The following MCTP2 variants were observed in gnomAD, a reference collection of about 807,000 sequenced individuals.
MCTP2 encodes multiple C2 and transmembrane domain-containing protein 2.
A neutral mutation model predicts 111.6 loss-of-function variants in MCTP2; 132 were observed. That is an observed-to-expected ratio of 1.18 (90% CI 1.03 to 1.37). The LOEUF (loss-of-function observed/expected upper bound fraction) is 1.37, where lower values mean the gene tolerates loss of function less well. MCTP2 is among the 40% of genes most tolerant of loss of function. The pLI, the probability that MCTP2 is intolerant of heterozygous loss-of-function variation, is 0.00. For missense variants in MCTP2, 1,183 were observed against 1,067.9 expected (o/e 1.11, Z -1.50); for synonymous variants, 395 against 387.7 (o/e 1.02, Z -0.22).
chr15:94,446,638 T>A (rs990096474), intron 19 of MCTP2, among the ~76,000 whole-genome samples: 3 of 152,188 alleles, frequency 2.0e-5, no homozygotes, highest in Non-Finnish European at 4.4e-5. Context: ...AACAATCACT[T>A]ACATAGAATA....
chr15:94,259,386 A>T (rs747728058), intron 1 of MCTP2, among the ~76,000 whole-genome samples: 1 of 152,208 alleles, frequency 6.6e-6, no homozygotes, highest in Non-Finnish European at 1.5e-5. Context: ...CTGTTCTGTT[A>T]CTGCAGCTGT....
intron 12 of MCTP2, among the ~76,000 whole-genome samples, chr15:94,374,052 A>G (rs2079625137): frequency 6.6e-6 from 1 of 152,240 alleles, no homozygotes; most frequent in South Asian, 2.1e-4. Flanking sequence ...ACTGAAAAAG[A>G]GAAACATTTT....
intron 12 of MCTP2, among the ~76,000 whole-genome samples, chr15:94,381,684 G>A (rs1354755503): frequency 6.6e-6 from 1 of 152,224 alleles, no homozygotes; most frequent in Non-Finnish European, 1.5e-5. Flanking sequence ...CTGACAAACG[G>A]TTAAGTAGCT....
At chr15:94,388,460 A>G (rs2080656088) in intron 14 of MCTP2, among the ~76,000 whole-genome samples, 1 of 152,192 alleles carries the variant, frequency 6.6e-6, no homozygotes, top group South Asian at 2.1e-4. Flanking sequence ...CTCCAAATGA[A>G]TTGATTCTCT....
At chr15:94,476,135 G>C (rs1398450655) in intron 21 of MCTP2, among the ~76,000 whole-genome samples, 1 of 152,176 alleles carries the variant, frequency 6.6e-6, no homozygotes, top group Non-Finnish European at 1.5e-5. Flanking sequence ...ATGAGTTGGA[G>C]GTGGGGAAAG....
intron 1 of MCTP2, among the ~76,000 whole-genome samples, chr15:94,280,914 G>A (rs183445712): frequency 4.0e-4 from 60 of 151,866 alleles, no homozygotes; most frequent in Admixed American, 3.1e-3. Flanking sequence ...GGTCTTTTTT[G>A]TTTTCGTTTT....
chr15:94,252,299 TTGTTGATAGCCATTCTAGTGAG>T (rs2072487564), intron 1 of MCTP2, among the ~76,000 whole-genome samples: 1 of 152,206 alleles, frequency 6.6e-6, no homozygotes. Flanking sequence ...TGTTTTGTTG[TTGTTGATAGCCATTCTAGTGAG>T]TTTAAAGTGT....
At chr15:94,427,572 G>A (rs2152498773) in intron 17 of MCTP2, among the ~76,000 whole-genome samples, 1 of 152,220 alleles carries the variant, frequency 6.6e-6, no homozygotes, top group South Asian at 2.1e-4. Flanking sequence ...GAACAGCAAG[G>A]GAGAGGTTCA....
At chr15:94,470,500 A>AT (rs2073832993) in intron 21 of MCTP2, 58 bp downstream of exon 21, 1 of 1,123,762 alleles carries the variant, frequency 8.9e-7, no homozygotes, top group South Asian at 1.2e-5. Flanking sequence ...CCAATTACTC[A>AT]TTTTTAAAGT....
intron 1 of MCTP2, among the ~76,000 whole-genome samples, chr15:94,243,377 A>G (rs535772870): frequency 1.6e-4 from 22 of 136,656 alleles, no homozygotes; most frequent in African/African-American, 5.2e-4. Context: ...GCGTATGTAC[A>G]TACATACGTA....
At chr15:94,333,229 C>A (rs2077208768) in intron 4 of MCTP2, among the ~76,000 whole-genome samples, 1 of 152,200 alleles carries the variant, frequency 6.6e-6, no homozygotes, top group Non-Finnish European at 1.5e-5. Context: ...CAGAGCAAGT[C>A]TCCGTCTTGG....
rs1355277665 is a variant in MCTP2 at position 94,483,375 on chromosome 15, A to G, written c.*4341A>G. On this transcript the variant is annotated 3_prime_UTR_variant, in exon 23 of 23. Transcript: ENST00000357742. ...TGGGTATGTACCCAAAGGAATATAA[A>G]TTGTTCTACTATAAAAACACATGCA... 6.6e-6 allele frequency: 1 copy of G among 152,242 alleles called. No individual in the cohort carries two copies. The highest frequency in any genetic ancestry group is 1.5e-5 in the Non-Finnish European group (1 of 68,042). The allele number at this position is 152,242 out of a possible 1,614,324, so 9.4% of individuals were successfully genotyped here.
intron 12 of MCTP2, among the ~76,000 whole-genome samples, chr15:94,372,627 A>T (rs1250755657): frequency 6.6e-6 from 1 of 152,210 alleles, no homozygotes; most frequent in Non-Finnish European, 1.5e-5. Flanking sequence ...TTGGATCAGG[A>T]TCAGAAAAGC....
chr15:94,315,653 G>A lies in MCTP2; in HGVS notation c.637+16G>A, dbSNP rs781676290. 6.3e-7 allele frequency: 1 copy of A among 1,579,424 alleles called. No homozygotes were observed. The highest frequency in any genetic ancestry group is 8.7e-7 in the Non-Finnish European group (1 of 1,148,626). On this transcript the variant is annotated intron_variant, in intron 4 of 22. Coordinates refer to ENST00000357742, the MANE Select transcript of MCTP2 (RefSeq NM_001385001.1). ...GATCGCTGTGGTAAGACCTGGGTCT[G>A]TTATGGTGGGTGTAGCCTGGAAACT...
intron 1 of MCTP2, among the ~76,000 whole-genome samples, chr15:94,261,773 A>G (rs1172415137): frequency 6.6e-6 from 1 of 152,230 alleles, no homozygotes; most frequent in Non-Finnish European, 1.5e-5. Context: ...GTATTAAGCT[A>G]TCCAAAACCC....
intron 20 of MCTP2, among the ~76,000 whole-genome samples, chr15:94,466,115 G>A (rs187684185): frequency 6.6e-6 from 1 of 151,642 alleles, no homozygotes; most frequent in Admixed American, 6.6e-5. Flanking sequence ...AATTTTTCTT[G>A]TTTTTCATTT....
At chr15:94,467,224 T>C (rs2073427332) in intron 20 of MCTP2, among the ~76,000 whole-genome samples, 2 of 152,168 alleles carry the variant, frequency 1.3e-5, no homozygotes, top group South Asian at 4.1e-4. Context: ...GGAGCTATTT[T>C]TACATTATAG....
intron 1 of MCTP2, among the ~76,000 whole-genome samples, chr15:94,293,982 GTAAA>G (rs1235854613): frequency 1.3e-5 from 2 of 152,142 alleles, no homozygotes; most frequent in African/African-American, 4.8e-5. Flanking sequence ...CCTTCAAGGG[GTAAA>G]TAGATTAATT....
At chr15:94,279,557 G>C (rs923108075) in intron 1 of MCTP2, among the ~76,000 whole-genome samples, 2 of 151,974 alleles carry the variant, frequency 1.3e-5, no homozygotes, top group Non-Finnish European at 2.9e-5. Flanking sequence ...TATAGTCTTT[G>C]AAGAGAGATA....
Sources: allele counts gnomAD v4.1 joint callset (sites outside exome capture counted in the v4.1 genomes callset), GRCh38; gene constraint gnomAD v4.1.1; transcripts MANE v1.5; gene names NCBI Gene and HGNC (gene_info 2026-07-23, HGNC 2026-07-21).